The following SOX5 variants were observed in gnomAD, a reference collection of about 807,000 sequenced individuals.
SOX5 encodes the protein transcription factor SOX-5.
A neutral mutation model predicts 92.0 loss-of-function variants in SOX5; 9 were observed. The ratio of observed to expected loss-of-function variants is 0.10; its 90% CI spans 0.06 to 0.17. The LOEUF (loss-of-function observed/expected upper bound fraction) is 0.17. SOX5 is among the 10% of genes least tolerant of loss of function. SOX5 has a pLI of 1.00. For synonymous variants in SOX5, 344 were observed against 336.3 expected (o/e 1.02, Z -0.25); for missense variants, 642 against 944.5 (o/e 0.68, Z 4.20).
intron 2 of SOX5, among the ~76,000 whole-genome samples, chr12:24,351,244 A>G (rs1452015624): frequency 3.9e-5 from 6 of 152,164 alleles, no homozygotes; most frequent in Admixed American, 3.9e-4. Flanking sequence ...TAAAAAAACT[A>G]TATAAACTTG....
rs920530442 is a variant in SOX5, at chr12:23,843,434, C to G, written c.481+2549G>C. Among the ~76,000 whole-genome samples the G allele has an allele frequency of 4.0e-5, 6 of 151,150 alleles. No individual in the cohort carries two copies. In the South Asian group the frequency reaches 6.2e-4, roughly 16 times the overall value. On this transcript the variant is annotated intron_variant, in intron 3 of 14. Coordinates refer to ENST00000451604, the MANE Select transcript of SOX5 (RefSeq NM_006940.6). ...TATACGGATGGAATACATGGGAACT[C>G]TGTACTATCTGCTTAATTTTTCCGT...
At chr12:23,797,222 G>T (rs2142072277) in intron 3 of SOX5, among the ~76,000 whole-genome samples, 1 of 151,970 alleles carries the variant, frequency 6.6e-6, no homozygotes, top group African/African-American at 2.4e-5. Context: ...ACTAGGTATT[G>T]GTACAATCAG....
intron 7 of SOX5, among the ~76,000 whole-genome samples, chr12:23,653,293 T>G (rs1566733939): frequency 1.3e-5 from 2 of 151,132 alleles, no homozygotes; most frequent in Non-Finnish European, 3.0e-5. Context: ...GTCTTTAGGC[T>G]TTTTTTTTCT....
chr12:24,035,746 A>T (rs1955968722), intron 4 of SOX5, among the ~76,000 whole-genome samples: 3 of 152,092 alleles, frequency 2.0e-5, no homozygotes, highest in African/African-American at 7.2e-5. Flanking sequence ...TCAAATTCAT[A>T]CAACTAAAAT....
intron 1 of SOX5, among the ~76,000 whole-genome samples, chr12:24,560,573 T>G (rs1458327074): frequency 3.3e-5 from 5 of 152,224 alleles, no homozygotes; most frequent in Admixed American, 6.5e-5. Context: ...CTAGAAACTT[T>G]GTTCCATGTA....
intron 4 of SOX5, among the ~76,000 whole-genome samples, chr12:24,072,550 G>A (rs1941934707): frequency 6.6e-6 from 1 of 152,196 alleles, no homozygotes; most frequent in South Asian, 2.1e-4. Context: ...TTAGACAGGA[G>A]GAAGTGTGTC....
intron 1 of SOX5, among the ~76,000 whole-genome samples, chr12:24,490,812 T>A (rs1027033955): frequency 2.6e-5 from 4 of 152,184 alleles, no homozygotes; most frequent in Non-Finnish European, 5.9e-5. Context: ...TAACTGTTAC[T>A]TGAAGCATGA....
At chr12:24,387,152 C>T (rs899160323) in intron 1 of SOX5, among the ~76,000 whole-genome samples, 14 of 152,176 alleles carry the variant, frequency 9.2e-5, no homozygotes, top group African/African-American at 3.1e-4. Context: ...ACTTCTCAAA[C>T]GTCTTCAACA....
At chr12:24,415,897 A>C (rs1162276866) in intron 1 of SOX5, among the ~76,000 whole-genome samples, 1 of 152,252 alleles carries the variant, frequency 6.6e-6, no homozygotes, top group Admixed American at 6.5e-5. Context: ...ATGAGGATGC[A>C]TTCCAGAATG....
chr12:23,885,883 CAAAA>C (rs34898602), intron 2 of SOX5, among the ~76,000 whole-genome samples: 39 of 143,098 alleles, frequency 2.7e-4, no homozygotes, highest in East Asian at 2.6e-3. Context: ...AAGAAAATGG[CAAAA>C]AAAAAAAAAA....
At chr12:23,684,216 T>C (rs2087134046) in intron 6 of SOX5, among the ~76,000 whole-genome samples, 1 of 152,074 alleles carries the variant, frequency 6.6e-6, no homozygotes, top group African/African-American at 2.4e-5. Context: ...ACTTGTGGTT[T>C]TGGTAAGTCT....
chr12:24,350,407 C>T (rs1043568991), intron 2 of SOX5, among the ~76,000 whole-genome samples: 4 of 152,144 alleles, frequency 2.6e-5, no homozygotes, highest in South Asian at 2.1e-4. Flanking sequence ...ATGGAGTGCA[C>T]GATCACAGCT....
intron 6 of SOX5, among the ~76,000 whole-genome samples, chr12:23,726,126 AGAGAGAGAGAGAGAGAGAGAGAGAGAG>A (rs1414756870): frequency 0.013 from 162 of 12,070 alleles, 1 homozygote; most frequent in African/African-American, 0.067. Flanking sequence ...CCCGAGAGAG[AGAGAGAGAGAGAGAGAGAGAGAGAGAG>A]AGAGAGAGAG....
chr12:24,293,051 T>C (rs557754159), intron 2 of SOX5, among the ~76,000 whole-genome samples: 87 of 152,292 alleles, frequency 5.7e-4, no homozygotes, highest in Non-Finnish European at 1.1e-3. Context: ...GAGTGAGATA[T>C]ACTGACATCA....
intron 4 of SOX5, among the ~76,000 whole-genome samples, chr12:23,977,812 C>T (rs1949085885): frequency 1.3e-5 from 2 of 152,168 alleles, no homozygotes; most frequent in South Asian, 2.1e-4. Flanking sequence ...AACCATAACC[C>T]CGTTTTCACC....
intron 4 of SOX5, among the ~76,000 whole-genome samples, chr12:24,019,984 G>C (rs1430427925): frequency 6.6e-6 from 1 of 152,178 alleles, no homozygotes; most frequent in Non-Finnish European, 1.5e-5. Context: ...CAAGTTTGGT[G>C]GAGCTAAACT....
chr12:24,259,647 G>C (rs959404656), intron 3 of SOX5, among the ~76,000 whole-genome samples: 12 of 152,126 alleles, frequency 7.9e-5, no homozygotes, highest in African/African-American at 2.9e-4. Context: ...AGAAAATTTT[G>C]AATTATTAAA....
At chr12:23,598,387 C>CTTTTTTTTTTTTTTTTTTTTTTTT (rs201719026) in intron 9 of SOX5, among the ~76,000 whole-genome samples, 1 of 95,128 alleles carries the variant, frequency 1.1e-5, no homozygotes. Flanking sequence ...TGTGCTTTAT[C>CTTTTTTTTTTTTTTTTTTTTTTTT]TTTTTTTTTT....
intron 2 of SOX5, among the ~76,000 whole-genome samples, chr12:24,299,861 C>G (rs368456198): frequency 6.6e-6 from 1 of 152,046 alleles, no homozygotes; most frequent in Non-Finnish European, 1.5e-5. Flanking sequence ...TGTGTCTACC[C>G]GTTATTTGAT....
Sources: allele counts gnomAD v4.1 joint callset (sites outside exome capture counted in the v4.1 genomes callset), GRCh38; gene constraint gnomAD v4.1.1; transcripts MANE v1.5; gene names NCBI Gene and HGNC (gene_info 2026-07-23, HGNC 2026-07-21).